CNTN5: variants seen among roughly 807,000 people sequenced by gnomAD.
The protein encoded by CNTN5 is contactin 5.
Under a neutral mutation model 129.1 loss-of-function variants are expected in CNTN5, and 77 were observed. That is an observed-to-expected ratio of 0.60 (90% CI 0.50 to 0.72). CNTN5 has a LOEUF of 0.72. Among genes scored for constraint, CNTN5 ranks in the 30% least tolerant of loss-of-function variants. The pLI is 0.00. For synonymous variants in CNTN5, 509 were observed against 465.6 expected, an observed-to-expected ratio of 1.09 and a Z score of -1.20; for missense variants, 1,478 against 1,328.8, an observed-to-expected ratio of 1.11 and a Z score of -1.75.
intron 1 of CNTN5, among the ~76,000 whole-genome samples, chr11:99,101,136 T>G (rs1298625272): frequency 6.6e-6 from 1 of 152,054 alleles, no homozygotes; most frequent in East Asian, 1.9e-4. Context: ...TGAAAGGAGT[T>G]TCCCCTTATA....
intron 21 of CNTN5, among the ~76,000 whole-genome samples, chr11:100,319,878 G>A (rs1311450860): frequency 6.6e-6 from 1 of 152,124 alleles, no homozygotes; most frequent in Non-Finnish European, 1.5e-5. Context: ...GCAAATGGCA[G>A]GATTTCTTTC....
At chr11:99,105,539 G>A (rs574319203) in intron 1 of CNTN5, among the ~76,000 whole-genome samples, 1 of 152,186 alleles carries the variant, frequency 6.6e-6, no homozygotes, top group South Asian at 2.1e-4. Flanking sequence ...TAGTCATGCA[G>A]CAACTCTTAA....
chr11:99,878,246 G>A (rs1039198795), intron 6 of CNTN5, among the ~76,000 whole-genome samples: 2 of 152,126 alleles, frequency 1.3e-5, no homozygotes, highest in East Asian at 1.9e-4. Flanking sequence ...AGAGTCAAAT[G>A]TCTTGGCTCC....
At position 100,040,565 on chromosome 11, in the gene CNTN5, G is replaced by C. The variant is rs574255528; in HGVS notation, c.981-20647G>C. On this transcript the variant is annotated intron_variant, in intron 9 of 24. Transcript: ENST00000524871. ...TTTGTTTGTCTGTGCCCTGCCCCCA[G>C]AGGTGGAGCCTACAGAGGCAGGCAG... is the stretch of plus-strand genomic sequence containing the variant. 1.4e-3 allele frequency among the ~76,000 whole-genome samples: 209 copies of C among 152,360 alleles called. 2 individuals are homozygous for C. The highest frequency in any genetic ancestry group is 4.8e-3 in the African/African-American group (200 of 41,590).
intron 2 of CNTN5, among the ~76,000 whole-genome samples, chr11:99,524,709 A>G (rs569990120): frequency 7.2e-4 from 109 of 152,150 alleles, no homozygotes; most frequent in Admixed American, 1.2e-3. Context: ...AGGCTTAGGA[A>G]CAAGAATTGT....
chr11:99,959,940 A>T (rs1435083048), intron 8 of CNTN5, among the ~76,000 whole-genome samples: 1 of 151,676 alleles, frequency 6.6e-6, no homozygotes, highest in Non-Finnish European at 1.5e-5. Context: ...TTTTTTTTAA[A>T]TCCACATTGA....
At chr11:99,653,645 C>G (rs1408244149) in intron 3 of CNTN5, among the ~76,000 whole-genome samples, 2 of 151,984 alleles carry the variant, frequency 1.3e-5, no homozygotes, top group African/African-American at 2.4e-5. Context: ...ACCAAAGTCC[C>G]TCTCCTTTGA....
At chr11:99,737,880 C>T (rs1943762167) in intron 3 of CNTN5, among the ~76,000 whole-genome samples, 1 of 152,072 alleles carries the variant, frequency 6.6e-6, no homozygotes, top group Non-Finnish European at 1.5e-5. Flanking sequence ...AATAAAATAT[C>T]ATACCATCGG....
rs76920566 is a variant in CNTN5, at chr11:99,237,912, A to G, written c.-209-87434A>G. On this transcript the variant is annotated intron_variant, in intron 1 of 24. Coordinates refer to ENST00000524871, the MANE Select transcript of CNTN5 (RefSeq NM_014361.4). ...CAAAGGCCAGGAAAAAGTCAATGAA[A>G]ATGATTTTATTCACTATTTTGTTTA... 2.3e-3 allele frequency among the ~76,000 whole-genome samples: 347 copies of G among 152,264 alleles called. 9 individuals are homozygous for G. In the East Asian group the frequency reaches 0.061, roughly 27 times the overall value.
rs150778915 is a variant in CNTN5 at position 100,271,687 on chromosome 11, CA to C, written c.2314+449del. 2.9e-3 allele frequency among the ~76,000 whole-genome samples: 447 copies of C among 152,254 alleles called. 8 individuals are homozygous for C. In the East Asian group the frequency reaches 0.031, roughly 10 times the overall value. ...CAAAACCCATATAAATTACACTTTG[CA>C]AATAGTAAACATTGCCCTTCCTTGA... is the stretch of plus-strand genomic sequence containing the variant. On this transcript the variant is annotated intron_variant, in intron 18 of 24. Transcript: ENST00000524871.
At chr11:100,231,302 A>G (rs1485934799) in intron 16 of CNTN5, among the ~76,000 whole-genome samples, 1 of 152,234 alleles carries the variant, frequency 6.6e-6, no homozygotes, top group Non-Finnish European at 1.5e-5. Flanking sequence ...AATAAAGCAG[A>G]TGGGACAATA....
rs984083634 is a variant in CNTN5, at chr11:100,070,112, C to G, written c.1163-312C>G. Among the ~76,000 whole-genome samples, 5 of 149,582 alleles carry G rather than the reference C, an allele frequency of 3.3e-5. No individual in the cohort carries two copies. In the Admixed American group the frequency reaches 3.4e-4, roughly 10 times the overall value. ...AAGAGCAATTGACTCTAGTACCTGA[C>G]TTCCTATTAAACTGGTTCAGGTGCC... On this transcript the variant is annotated intron_variant, in intron 10 of 24. Transcript: ENST00000524871.
At chr11:99,236,332 G>A (rs1203564241) in intron 1 of CNTN5, among the ~76,000 whole-genome samples, 1 of 152,016 alleles carries the variant, frequency 6.6e-6, no homozygotes, top group Non-Finnish European at 1.5e-5. Context: ...GTATAGATAA[G>A]TTTTATCAGA....
intron 6 of CNTN5, among the ~76,000 whole-genome samples, chr11:99,910,689 G>A (rs923940390): frequency 1.3e-5 from 2 of 152,094 alleles, no homozygotes; most frequent in African/African-American, 4.8e-5. Context: ...ACAGGAATTA[G>A]TATCTACTTC....
intron 2 of CNTN5, among the ~76,000 whole-genome samples, chr11:99,337,435 A>T (rs1018897288): frequency 6.6e-6 from 1 of 152,232 alleles, no homozygotes; most frequent in Non-Finnish European, 1.5e-5. Context: ...TAGATACTAA[A>T]TTAACTAAAA....
intron 6 of CNTN5, among the ~76,000 whole-genome samples, chr11:99,867,644 C>A (rs897005549): frequency 6.6e-6 from 1 of 152,156 alleles, no homozygotes; most frequent in Non-Finnish European, 1.5e-5. Flanking sequence ...TCTGTCCTGA[C>A]TCTTCTGCCT....
intron 3 of CNTN5, among the ~76,000 whole-genome samples, chr11:99,816,346 A>G (rs1007033747): frequency 6.6e-6 from 1 of 152,122 alleles, no homozygotes; most frequent in Non-Finnish European, 1.5e-5. Context: ...TTTGGTTACC[A>G]TTTCATAATC....
At chr11:100,224,954 T>C (rs148242654) in intron 16 of CNTN5, 142 bp downstream of exon 16, 1 of 803,680 alleles carries the variant, frequency 1.2e-6, no homozygotes, top group East Asian at 2.9e-5. Flanking sequence ...CGCTTAACCT[T>C]TTGCCTTTGA....
In CNTN5 at chr11:100,082,837, C is replaced by G. The variant is rs115988264; in HGVS notation, c.1580+8543C>G. On this transcript the variant is annotated intron_variant, in intron 13 of 24. Transcript: ENST00000524871. ...CTTTATGCATTTCTCTTTTGCATCA[C>G]TGTGAGGAAATACCTGAGGCATGGT... Among the ~76,000 whole-genome samples, 890 of 152,162 alleles carry G rather than the reference C, an allele frequency of 5.8e-3. 10 individuals are homozygous for G. The highest frequency in any genetic ancestry group is 0.02 in the African/African-American group (843 of 41,524).
Sources: allele counts gnomAD v4.1 joint callset (sites outside exome capture counted in the v4.1 genomes callset), GRCh38; gene constraint gnomAD v4.1.1; transcripts MANE v1.5; gene names NCBI Gene and HGNC (gene_info 2026-07-23, HGNC 2026-07-21).